Variants in PLA2R1 observed in about 807,000 individuals in gnomAD.
PLA2R1 encodes phospholipase A2 receptor 1, also known as secretory phospholipase A2 receptor.
A neutral mutation model predicts 195.9 loss-of-function variants in PLA2R1; 158 were observed. That is an observed-to-expected ratio of 0.81 (90% confidence interval 0.71 to 0.92). The LOEUF (loss-of-function observed/expected upper bound fraction) is 0.92. Ranked by LOEUF, PLA2R1 falls within the 40% of genes least tolerant of loss-of-function variation. PLA2R1 has a pLI of 0.00. For synonymous variants in PLA2R1, 586 were observed against 598.2 expected, an observed-to-expected ratio of 0.98 and a Z score of 0.30; for missense variants, 1,626 against 1,764.6, an observed-to-expected ratio of 0.92 and a Z score of 1.41.
downstream of PLA2R1, among the ~76,000 whole-genome samples, chr2:159,931,067 A>C (rs1686574988): frequency 6.6e-6 from 1 of 152,206 alleles, no homozygotes; most frequent in Non-Finnish European, 1.5e-5. Context: ...CTGAAGCCGC[A>C]GCTTACCACT....
At chr2:159,990,115 T>G (rs542523937) in intron 11 of PLA2R1, among the ~76,000 whole-genome samples, 5 of 152,232 alleles carry the variant, frequency 3.3e-5, no homozygotes, top group East Asian at 3.9e-4. Context: ...AAGGGAGAGA[T>G]AAACTAAATT....
At position 159,970,160 on chromosome 2, in the gene PLA2R1, T is replaced by A; in HGVS notation, c.2648A>T (p.Asn883Ile). 3 of 1,605,754 alleles carry A rather than the reference T, an allele frequency of 1.9e-6. No homozygotes were observed. Among genetic ancestry groups the A allele is most frequent in the Non-Finnish European group, 2.6e-6 (3 of 1,174,364 alleles). ...WWIGLQEERA[N>I]DEFRWRDGTP... ...TCTAGGTTCATACCGAAATTCATCA[T>A]TGGCTCTTTCTTCTTGAAGTCCAAT... Residue 883 changes from asparagine to isoleucine, a missense_variant, in exon 18 of 30, where the codon AAT (asparagine) becomes ATT (isoleucine). Coordinates refer to ENST00000283243, the MANE Select transcript of PLA2R1 (RefSeq NM_007366.5).
At chr2:160,051,236 G>C (rs1374564557) in intron 1 of PLA2R1, among the ~76,000 whole-genome samples, 1 of 152,226 alleles carries the variant, frequency 6.6e-6, no homozygotes, top group Non-Finnish European at 1.5e-5. Context: ...GGAAGGAAAA[G>C]TTCCAGTGCA....
chr2:160,013,321 A>C lies in PLA2R1; in HGVS notation c.1606T>G (p.Phe536Val). The change falls in exon 10 of 30, where the codon TTT becomes GTT. Residue 536 changes from phenylalanine to valine, a missense_variant. Physicochemically the swap from Phe to Val is conservative, Grantham distance 50 (BLOSUM62 -1). Coordinates refer to ENST00000283243, the MANE Select transcript of PLA2R1 (RefSeq NM_007366.5). ...TAATAACCGCTGGAAGCTTGGTCAA[A>C]GCTTCGAAGGACTGTGTCAATTTTG... ...CYKIDTVLRS[F>V]DQASSGYYCP... 1.2e-6 allele frequency: 2 copies of C among 1,612,024 alleles called. No homozygotes were observed. The highest frequency in any genetic ancestry group is 1.7e-6 in the Non-Finnish European group (2 of 1,178,270).
At chr2:159,997,506 C>T (rs978907640) in intron 11 of PLA2R1, among the ~76,000 whole-genome samples, 53 of 152,226 alleles carry the variant, frequency 3.5e-4, no homozygotes, top group African/African-American at 9.6e-4. Flanking sequence ...TCCTCTCCCT[C>T]TGCTGGAAGC....
chr2:160,040,435 C>T (rs186601834), intron 3 of PLA2R1, among the ~76,000 whole-genome samples: 31 of 152,256 alleles, frequency 2.0e-4, no homozygotes, highest in African/African-American at 6.5e-4. Flanking sequence ...GATATTATCC[C>T]TGTATATAGA....
chr2:160,048,586 C>T (rs1695031087), intron 1 of PLA2R1, among the ~76,000 whole-genome samples: 1 of 152,120 alleles, frequency 6.6e-6, no homozygotes, highest in African/African-American at 2.4e-5. Flanking sequence ...TCTAACAAAA[C>T]TATAATGTGA....
Position 159,937,126 on chromosome 2 carries a change from G to C in PLA2R1, c.*4652C>G, listed in dbSNP as rs1686871094. ...GCATAGAAGTGGAAACACCCTACTT[G>C]CAAAGTGATTTGTTACCCAGTCATT... On this transcript the variant is annotated 3_prime_UTR_variant, in exon 30 of 30. Transcript: ENST00000283243. 1 of 151,934 alleles carries C rather than the reference G, an allele frequency of 6.6e-6. No individual in the cohort carries two copies. Among genetic ancestry groups the C allele is most frequent in the African/African-American group, 2.4e-5 (1 of 41,356 alleles). The allele number at this position is 151,934 out of a possible 1,614,324, so 9.4% of individuals were successfully genotyped here.
At chr2:160,049,005 T>G (rs1265964924) in intron 1 of PLA2R1, among the ~76,000 whole-genome samples, 3 of 151,610 alleles carry the variant, frequency 2.0e-5, no homozygotes, top group Non-Finnish European at 4.4e-5. Flanking sequence ...TACGCCCGGC[T>G]AATTTTTTTG....
chr2:159,947,918 TAA>T (rs1687487120), intron 25 of PLA2R1, among the ~76,000 whole-genome samples: 1 of 152,184 alleles, frequency 6.6e-6, no homozygotes, highest in Non-Finnish European at 1.5e-5. Flanking sequence ...CTGATGCTGG[TAA>T]AAGAGATTTC....
chr2:159,946,661 G>A lies in PLA2R1; in HGVS notation c.3967+140C>T, dbSNP rs114761797. 2,094 of 1,402,856 alleles carry A rather than the reference G, an allele frequency of 1.5e-3. 23 individuals are homozygous for A. The African/African-American group carries it at 0.027, about 18-fold the overall frequency. 86.9% of individuals were successfully genotyped at this position (1,402,856 alleles called of 1,614,324 possible). On this transcript the variant is annotated intron_variant, in intron 27 of 29. Coordinates refer to ENST00000283243, the MANE Select transcript of PLA2R1 (RefSeq NM_007366.5). Reference sequence around the variant, plus strand: ...GAAAAGGGTTGCAATGTTGTTTTTGGAAGAAATGGCTTTAGGCTTCATGCT... The same window carrying A: ...GAAAAGGGTTGCAATGTTGTTTTTGAAAGAAATGGCTTTAGGCTTCATGCT...
At position 159,941,061 on chromosome 2, in the gene PLA2R1, T is replaced by C. The variant is rs971113842; in HGVS notation, c.*717A>G. 8 of 152,210 alleles carry C rather than the reference T, an allele frequency of 5.3e-5. No homozygotes were observed. The highest frequency in any genetic ancestry group is 5.2e-4 in the Admixed American group (8 of 15,282). The allele number at this position is 152,210 out of a possible 1,614,324, so 9.4% of individuals were successfully genotyped here. A position where few individuals can be genotyped will look rare whatever the true frequency, so the allele number is the denominator to read the frequency against. On this transcript the variant is annotated 3_prime_UTR_variant, in exon 30 of 30. Transcript: ENST00000283243. ...TTAAAATATCCAACTTAATCATCAT[T>C]TAGTAATTGAAAGTTTAAGGCCACA...
chr2:160,036,968 C>T (rs1694203816), intron 3 of PLA2R1, among the ~76,000 whole-genome samples: 1 of 152,200 alleles, frequency 6.6e-6, no homozygotes, highest in African/African-American at 2.4e-5. Context: ...CAGCTTAACA[C>T]CTTCATTTTT....
At chr2:160,039,897 G>T (rs1694416049) in intron 3 of PLA2R1, among the ~76,000 whole-genome samples, 1 of 151,322 alleles carries the variant, frequency 6.6e-6, no homozygotes, top group African/African-American at 2.4e-5. Flanking sequence ...GTCATTGGAA[G>T]TTTCCCAGTG....
chr2:160,047,783 G>T (rs1482050070), intron 1 of PLA2R1, among the ~76,000 whole-genome samples: 1 of 152,154 alleles, frequency 6.6e-6, no homozygotes. Context: ...TGAATAAATA[G>T]ACATGAAAAT....
the PLA2R1 span, among the ~76,000 whole-genome samples, chr2:159,924,480 G>C: frequency 4.6e-5 from 7 of 152,212 alleles, no homozygotes; most frequent in African/African-American, 1.7e-4. Flanking sequence ...CTGCGAGGAG[G>C]CTGGGGAGTA....
intron 20 of PLA2R1, among the ~76,000 whole-genome samples, chr2:159,966,426 G>C (rs1183466945): frequency 2.6e-5 from 4 of 152,170 alleles, no homozygotes; most frequent in African/African-American, 9.7e-5. Context: ...TACAGTTTCA[G>C]TTTTGCAAGA....
chr2:160,044,215 C>T (rs907154063), intron 2 of PLA2R1, among the ~76,000 whole-genome samples: 2 of 152,036 alleles, frequency 1.3e-5, no homozygotes, highest in African/African-American at 4.8e-5. Context: ...CATGCTTCCC[C>T]ACCAACCATG....
chr2:159,986,838 C>T (rs1304183683), intron 12 of PLA2R1, among the ~76,000 whole-genome samples: 8 of 152,108 alleles, frequency 5.3e-5, no homozygotes, highest in Admixed American at 1.3e-4. Flanking sequence ...CCGCCTGCCT[C>T]GGCCTCCCAA....
Sources: allele counts gnomAD v4.1 joint callset (sites outside exome capture counted in the v4.1 genomes callset), GRCh38; gene constraint gnomAD v4.1.1; transcripts MANE v1.5; gene names NCBI Gene and HGNC (gene_info 2026-07-23, HGNC 2026-07-21).